Variants in DAAM2 observed in about 807,000 individuals in gnomAD.
DAAM2 encodes disheveled-associated activator of morphogenesis 2.
In DAAM2, 39 loss-of-function variants were observed where a neutral mutation model predicts 120.7. That is an observed-to-expected ratio of 0.32 (90% CI 0.25 to 0.42). The LOEUF is 0.42. Among genes scored for constraint, DAAM2 ranks in the 10% least tolerant of loss-of-function variants. DAAM2 has a pLI of 1.00. For synonymous variants in DAAM2, 488 were observed against 524.9 expected (o/e 0.93, Z 0.96); for missense variants, 1,283 against 1,401.7 (o/e 0.92, Z 1.35).
In DAAM2 at chr6:39,891,416, C is replaced by T. The variant is rs374577587; in HGVS notation, c.2221C>T (p.Arg741Cys). ...CAAGCATGAAATTGAGCGGATGGCC[C>T]GTGCTGACCGCTTCCTCTATGAAAT... ...EHKHEIERMA[R>C]ADRFLYEMSR... The change falls in exon 18 of 25, where the codon CGT becomes TGT. Residue 741 changes from arginine (R) to cysteine (C), a missense_variant. Around this residue, in one of 3 missense-constraint regions of DAAM2, gnomAD observed 748 missense variants for 768.6 expected, o/e 0.97. Coordinates refer to ENST00000274867, the MANE Select transcript of DAAM2 (RefSeq NM_001201427.2). 23 of 1,609,882 alleles carry T rather than the reference C, an allele frequency of 1.4e-5. No individual in the cohort carries two copies. The highest frequency in any genetic ancestry group is 3.4e-5 in the Admixed American group (2 of 59,610).
intron 1 of DAAM2, among the ~76,000 whole-genome samples, chr6:39,797,257 T>G (rs1761729442): frequency 6.6e-6 from 1 of 152,206 alleles, no homozygotes; most frequent in Non-Finnish European, 1.5e-5. Flanking sequence ...AAGGTCAAAC[T>G]GAGGACAGAA....
At chr6:39,887,938 G>A in intron 16 of DAAM2, 1 of 251,976 alleles carries the variant, frequency 4.0e-6, no homozygotes. Context: ...TGCGCTAACA[G>A]CACAGCTTCT....
chr6:39,860,449 G>A (rs1012752720), intron 2 of DAAM2, among the ~76,000 whole-genome samples: 2 of 152,204 alleles, frequency 1.3e-5, no homozygotes, highest in South Asian at 2.1e-4. Context: ...GCAGAGATTC[G>A]AAGGGCAGGT....
chr6:39,808,402 GAA>G (rs1762070225), intron 1 of DAAM2, among the ~76,000 whole-genome samples: 1 of 152,166 alleles, frequency 6.6e-6, no homozygotes, highest in African/African-American at 2.4e-5. Context: ...CAGGGTGAAA[GAA>G]TTTTCCTCTC....
Position 39,901,582 on chromosome 6 carries a change from C to G in DAAM2, c.2982+110C>G. 7.9e-7 allele frequency: 1 copy of G among 1,259,096 alleles called. No homozygotes were observed. Among genetic ancestry groups the G allele is most frequent in the South Asian group, 1.5e-5 (1 of 68,650 alleles). 78.0% of individuals were successfully genotyped at this position (1,259,096 alleles called of 1,614,324 possible). A position where few individuals can be genotyped will look rare whatever the true frequency, so the allele number is the denominator to read the frequency against. ...GGGCAGAGACTGAGGAACTGAGGAA[C>G]ACCATAGGGGTTGGATGTCAGCCCC... On this transcript the variant is annotated intron_variant, in intron 24 of 24. Transcript: ENST00000274867. This position sits in a 1 kb window ranked among gnomAD's most constrained non-coding sequence, Gnocchi z 4.5.
intron 1 of DAAM2, among the ~76,000 whole-genome samples, chr6:39,802,558 G>C (rs1163724814): frequency 6.6e-6 from 1 of 152,192 alleles, no homozygotes; most frequent in Non-Finnish European, 1.5e-5. Flanking sequence ...AGATAGTAGA[G>C]AACAGAGAGT....
chr6:39,893,697 A>C (rs118135432), intron 19 of DAAM2, among the ~76,000 whole-genome samples: 2 of 152,310 alleles, frequency 1.3e-5, no homozygotes, highest in East Asian at 3.9e-4. Flanking sequence ...CCTTGTATAG[A>C]CCAGACATAA....
chr6:39,840,545 C>T (rs185210776), intron 1 of DAAM2, among the ~76,000 whole-genome samples: 2 of 151,980 alleles, frequency 1.3e-5, no homozygotes, highest in Non-Finnish European at 2.9e-5. Context: ...GTTGGTGGCA[C>T]CAGCATTGGC....
intron 2 of DAAM2, 63 bp from the exon 3 acceptor site, chr6:39,860,865 G>C: frequency 7.6e-7 from 1 of 1,322,484 alleles, no homozygotes; most frequent in Non-Finnish European, 1.1e-6. Flanking sequence ...TTCCTGCAGG[G>C]CTGACTATTC....
intron 3 of DAAM2, chr6:39,861,401 T>A: frequency 2.8e-6 from 1 of 355,212 alleles, no homozygotes; most frequent in Non-Finnish European, 5.5e-6. Flanking sequence ...ATGTCCTCTT[T>A]TGGATCTTTA....
chr6:39,855,802 A>G (rs1220132472), intron 1 of DAAM2, among the ~76,000 whole-genome samples: 1 of 152,180 alleles, frequency 6.6e-6, no homozygotes, highest in Non-Finnish European at 1.5e-5. Context: ...CCATTGGTCC[A>G]TGCCTTTAAA....
In DAAM2 at chr6:39,870,376, T is replaced by C; in HGVS notation, c.910T>C (p.Phe304Leu). 2 of 1,585,460 alleles carry C rather than the reference T, an allele frequency of 1.3e-6. No individual in the cohort carries two copies. Among genetic ancestry groups the C allele is most frequent in the Non-Finnish European group, 1.7e-6 (2 of 1,164,520 alleles). Residue 304 changes from phenylalanine to leucine, a missense_variant, in exon 8 of 25, where the codon TTC (phenylalanine) becomes CTC (leucine). Phe to Leu is a conservative substitution (Grantham distance 22). Transcript: ENST00000274867. ...LEFRLHLRYEFLMLGIQPVID... is the reference protein window; with the variant it reads ...LEFRLHLRYELLMLGIQPVID... ...GTTCCGCCTACATCTACGGTATGAA[T>C]TCCTGATGCTGGGTATACAGCCTGT...
chr6:39,883,235 C>A (rs1765216039), intron 14 of DAAM2, among the ~76,000 whole-genome samples: 1 of 149,936 alleles, frequency 6.7e-6, no homozygotes, highest in African/African-American at 2.5e-5. Context: ...GACCCTAGTG[C>A]AAGGGTCCTA....
chr6:39,837,770 C>G (rs1269769721), intron 1 of DAAM2, among the ~76,000 whole-genome samples: 1 of 151,684 alleles, frequency 6.6e-6, no homozygotes, highest in African/African-American at 2.4e-5. Flanking sequence ...TGAACTTGAG[C>G]ATGAAGGGGA....
At chr6:39,849,957 C>T (rs890569481) in intron 1 of DAAM2, among the ~76,000 whole-genome samples, 4 of 152,156 alleles carry the variant, frequency 2.6e-5, no homozygotes, top group African/African-American at 4.8e-5. Flanking sequence ...GAGCAATGTC[C>T]GCCTGTGGAG....
intron 1 of DAAM2, among the ~76,000 whole-genome samples, chr6:39,850,147 G>C (rs1360816820): frequency 1.3e-5 from 2 of 152,154 alleles, no homozygotes; most frequent in Non-Finnish European, 2.9e-5. Context: ...CATTTGCTTT[G>C]CCTGTTGATT....
intron 22 of DAAM2, chr6:39,899,149 C>T (rs1292395653): frequency 5.3e-6 from 3 of 564,446 alleles, no homozygotes; most frequent in Non-Finnish European, 9.4e-6. Context: ...TACTGTCCAA[C>T]TTGGTATCTA....
chr6:39,803,620 C>T (rs1761929840), intron 1 of DAAM2, among the ~76,000 whole-genome samples: 1 of 152,120 alleles, frequency 6.6e-6, no homozygotes, highest in Non-Finnish European at 1.5e-5. Context: ...CTGTCAGGGT[C>T]AGAATATAAA....
chr6:39,897,425 C>T, intron 21 of DAAM2, 143 bp downstream of exon 21: 2 of 608,834 alleles, frequency 3.3e-6, no homozygotes, highest in South Asian at 2.0e-5. Flanking sequence ...AGAATTTAAA[C>T]AGACACACAG....
Sources: gnomAD v4.1 joint callset for allele counts (sites outside exome capture counted in the v4.1 genomes callset) on GRCh38, gnomAD v4.1.1 for gene constraint, gnomAD v4.1.1 regional missense constraint, Gnocchi (gnomAD v3.1) non-coding constraint, MANE v1.5 for transcripts, NCBI Gene and HGNC (gene_info 2026-07-23, HGNC 2026-07-21) for gene names.